EYA4: variants seen among roughly 807,000 people sequenced by gnomAD.
The protein encoded by EYA4 is EYA transcriptional coactivator and phosphatase 4.
In EYA4, 31 loss-of-function variants were observed where a neutral mutation model predicts 87.9. The observed-to-expected ratio is 0.35, with a 90% CI of 0.27 to 0.48. The LOEUF (loss-of-function observed/expected upper bound fraction) is 0.48, where lower values mean the gene tolerates loss of function less well. EYA4 is among the 20% of genes least tolerant of loss of function. EYA4 has a pLI of 0.99. For synonymous variants in EYA4, 263 were observed against 270.6 expected, an observed-to-expected ratio of 0.97 and a Z score of 0.28; for missense variants, 678 against 761.4, an observed-to-expected ratio of 0.89 and a Z score of 1.29.
chr6:133,377,564 GTTTTTTTTTT>G (rs145391738), intron 2 of EYA4, among the ~76,000 whole-genome samples: 1 of 116,324 alleles, frequency 8.6e-6, no homozygotes, highest in African/African-American at 3.1e-5. Context: ...TTTCACATTA[GTTTTTTTTTT>G]TTTTTTTTTT....
At chr6:133,354,113 A>T (rs1336530) in intron 2 of EYA4, among the ~76,000 whole-genome samples, 1 of 152,106 alleles carries the variant, frequency 6.6e-6, no homozygotes, top group Non-Finnish European at 1.5e-5. Flanking sequence ...TGGATGTGCT[A>T]TAGTATTTTT....
chr6:133,288,598 C>G (rs1372895371), intron 2 of EYA4, among the ~76,000 whole-genome samples: 1 of 152,082 alleles, frequency 6.6e-6, no homozygotes, highest in African/African-American at 2.4e-5. Context: ...GGGGAGAAGT[C>G]TGGAACTTCT....
At chr6:133,266,861 C>T (rs1776264054) in intron 1 of EYA4, among the ~76,000 whole-genome samples, 1 of 151,944 alleles carries the variant, frequency 6.6e-6, no homozygotes, top group African/African-American at 2.4e-5. Context: ...CTGTTTATTC[C>T]ATTTTTTTGT....
At chr6:133,272,518 G>A (rs1776782282) in intron 1 of EYA4, among the ~76,000 whole-genome samples, 1 of 152,214 alleles carries the variant, frequency 6.6e-6, no homozygotes, top group Non-Finnish European at 1.5e-5. Context: ...ATAGTGACTT[G>A]ATGACTCGTA....
intron 2 of EYA4, among the ~76,000 whole-genome samples, chr6:133,330,171 T>C (rs1266634119): frequency 6.6e-6 from 1 of 152,082 alleles, no homozygotes; most frequent in Non-Finnish European, 1.5e-5. Flanking sequence ...TGATATCCAC[T>C]GATAGAGATA....
chr6:133,358,027 T>C (rs529603571), intron 2 of EYA4, among the ~76,000 whole-genome samples: 21 of 152,320 alleles, frequency 1.4e-4, no homozygotes, highest in South Asian at 6.2e-4. Flanking sequence ...TTTTCCTTTA[T>C]GGTTTGAATT....
At chr6:133,318,068 T>C (rs573470806) in intron 2 of EYA4, among the ~76,000 whole-genome samples, 126 of 152,362 alleles carry the variant, frequency 8.3e-4, no homozygotes, top group African/African-American at 2.8e-3. Context: ...TACATATTTG[T>C]AGAAGTCACC....
intron 2 of EYA4, among the ~76,000 whole-genome samples, chr6:133,372,461 G>A (rs1785341841): frequency 2.0e-5 from 1 of 48,916 alleles, no homozygotes; most frequent in African/African-American, 5.2e-5. Flanking sequence ...AATGGTTATA[G>A]AAGAGAGATT....
chr6:133,384,037 A>G (rs1786487564), intron 3 of EYA4, among the ~76,000 whole-genome samples: 1 of 152,234 alleles, frequency 6.6e-6, no homozygotes, highest in South Asian at 2.1e-4. Context: ...AAACAGAACA[A>G]TATAATCATC....
chr6:133,343,600 C>T (rs1782976561), intron 2 of EYA4, among the ~76,000 whole-genome samples: 2 of 147,536 alleles, frequency 1.4e-5, no homozygotes, highest in Admixed American at 1.4e-4. Flanking sequence ...CCTTGACCCT[C>T]TCCATACACA....
At chr6:133,252,064 A>G (rs1312082410) in intron 1 of EYA4, among the ~76,000 whole-genome samples, 1 of 152,202 alleles carries the variant, frequency 6.6e-6, no homozygotes, top group East Asian at 1.9e-4. Context: ...AATACCTGAG[A>G]GAGAGTATGT....
chr6:133,424,634 C>CTTTTTACCTTTGAATCTAGTAACAAGTA (rs1583240070), intron 3 of EYA4, among the ~76,000 whole-genome samples: 3 of 151,446 alleles, frequency 2.0e-5, no homozygotes, highest in Admixed American at 6.5e-5. Context: ...TCCCACCCTG[C>CTTTTTACCTTTGAATCTAGTAACAAGTA]CAACTTGGAA....
intron 2 of EYA4, among the ~76,000 whole-genome samples, chr6:133,295,213 A>G (rs191527036): frequency 1.2e-3 from 180 of 152,372 alleles, no homozygotes; most frequent in African/African-American, 4.0e-3. Flanking sequence ...GATCAGCTCC[A>G]TAATTATATT....
intron 2 of EYA4, among the ~76,000 whole-genome samples, chr6:133,313,991 T>C (rs947348017): frequency 6.6e-6 from 1 of 152,196 alleles, no homozygotes; most frequent in African/African-American, 2.4e-5. Context: ...TGAACTCTAA[T>C]ATGAAGCTGT....
At chr6:133,248,052 A>G (rs1774563693) in intron 1 of EYA4, 1 of 152,234 alleles carries the variant, frequency 6.6e-6, no homozygotes, top group African/African-American at 2.4e-5. Context: ...TTCAAATTCG[A>G]TTTAGCACTG....
chr6:133,368,394 G>A (rs1785017544), intron 2 of EYA4, among the ~76,000 whole-genome samples: 1 of 152,110 alleles, frequency 6.6e-6, no homozygotes, highest in African/African-American at 2.4e-5. Context: ...GGCCTCTATT[G>A]TAACAGGAAC....
intron 2 of EYA4, among the ~76,000 whole-genome samples, chr6:133,358,703 G>A (rs1175689185): frequency 6.6e-6 from 1 of 152,102 alleles, no homozygotes; most frequent in Non-Finnish European, 1.5e-5. Flanking sequence ...TTCTGCTCCA[G>A]GCACTGTGCT....
chr6:133,490,141 A>G (rs1001229384), intron 13 of EYA4, among the ~76,000 whole-genome samples: 3 of 152,126 alleles, frequency 2.0e-5, no homozygotes, highest in Non-Finnish European at 4.4e-5. Flanking sequence ...TGCAAGCCTC[A>G]TGATAACTGC....
intron 2 of EYA4, among the ~76,000 whole-genome samples, chr6:133,349,206 C>T (rs1294503284): frequency 2.6e-5 from 4 of 152,192 alleles, no homozygotes; most frequent in African/African-American, 9.7e-5. Context: ...TAAAGCTTTC[C>T]CTGACTACCC....
Sources: gnomAD v4.1 joint callset for allele counts (sites outside exome capture counted in the v4.1 genomes callset) on GRCh38, gnomAD v4.1.1 for gene constraint, MANE v1.5 for transcripts, NCBI Gene and HGNC (gene_info 2026-07-23, HGNC 2026-07-21) for gene names.